FRMPD4: variants seen among roughly 807,000 people sequenced by gnomAD.
The protein encoded by FRMPD4 is FERM and PDZ domain containing 4.
FRMPD4 carries 22 observed loss-of-function variants against 94.1 expected under a neutral mutation model. That is an observed-to-expected ratio of 0.23 (90% CI 0.17 to 0.33). The LOEUF is 0.33. Ranked by LOEUF, FRMPD4 falls within the 10% of genes least tolerant of loss-of-function variation. FRMPD4 has a pLI of 1.00. For synonymous variants in FRMPD4, 631 were observed against 548.6 expected (o/e 1.15, Z -2.10); for missense variants, 1,111 against 1,339.9 (o/e 0.83, Z 2.67).
intron 1 of FRMPD4, among the ~76,000 whole-genome samples, chrX:12,422,678 G>T (rs1356120616): frequency 8.9e-6 from 1 of 112,211 alleles, no homozygotes; most frequent in African/African-American, 3.2e-5. Context: ...TTTGTAAGAA[G>T]TGAAACATAT....
At chrX:12,624,398 C>T (rs1385260899) in intron 4 of FRMPD4, among the ~76,000 whole-genome samples, 5 of 111,672 alleles carry the variant, frequency 4.5e-5, no homozygotes, top group African/African-American at 6.5e-5. Context: ...GAGAGTTAGA[C>T]GTGTAGAGTT....
chrX:12,350,282 T>G (rs748988057), intron 1 of FRMPD4, among the ~76,000 whole-genome samples: 15 of 112,280 alleles, frequency 1.3e-4, no homozygotes, highest in African/African-American at 4.8e-4. Context: ...TTCAAGTTAT[T>G]TTTTATACTA....
chrX:12,178,694 G>A (rs2056323177), intron 1 of FRMPD4, among the ~76,000 whole-genome samples: 1 of 112,006 alleles, frequency 8.9e-6, no homozygotes, highest in Non-Finnish European at 1.9e-5. Context: ...GGTGTATGTC[G>A]TGAGAGCTAG....
intron 1 of FRMPD4, among the ~76,000 whole-genome samples, chrX:12,273,586 A>C (rs2054386702): frequency 8.9e-6 from 1 of 112,546 alleles, no homozygotes. Context: ...GTGCCCTCTT[A>C]ATTTCTAGAA....
At chrX:12,256,305 A>G (rs919397127) in intron 1 of FRMPD4, among the ~76,000 whole-genome samples, 1 of 112,053 alleles carries the variant, frequency 8.9e-6, no homozygotes, top group Non-Finnish European at 1.9e-5. Context: ...AAACAGGAGA[A>G]GACAGTAGAT....
intron 3 of FRMPD4, among the ~76,000 whole-genome samples, chrX:12,077,468 C>G (rs1440064216): frequency 1.8e-5 from 2 of 111,742 alleles, no homozygotes; most frequent in African/African-American, 3.3e-5. Context: ...AGAAATCCAC[C>G]TTCTTGACAT....
intron 2 of FRMPD4, among the ~76,000 whole-genome samples, chrX:12,581,696 G>C (rs993199142): frequency 1.8e-5 from 2 of 111,371 alleles, no homozygotes; most frequent in African/African-American, 6.5e-5. Context: ...CTCTCCCTCG[G>C]CTCGTCCTCC....
chrX:12,412,630 A>T (rs1336724566), intron 1 of FRMPD4, among the ~76,000 whole-genome samples: 1 of 112,269 alleles, frequency 8.9e-6, no homozygotes, highest in African/African-American at 3.2e-5. Flanking sequence ...CTGTTGTGAG[A>T]TTCTTAGGGC....
At chrX:12,364,272 A>G (rs2056040918) in intron 1 of FRMPD4, among the ~76,000 whole-genome samples, 1 of 111,553 alleles carries the variant, frequency 9.0e-6, no homozygotes, top group South Asian at 3.8e-4. Context: ...GAGGGGGTCT[A>G]TTACACCATG....
intron 3 of FRMPD4, among the ~76,000 whole-genome samples, chrX:11,906,592 T>A (rs1370262227): frequency 9.0e-6 from 1 of 111,432 alleles, no homozygotes; most frequent in Non-Finnish European, 1.9e-5. Flanking sequence ...TTTTATTGTA[T>A]TTTTTTCACT....
intron 1 of FRMPD4, among the ~76,000 whole-genome samples, chrX:11,837,622 C>T (rs892365733): frequency 3.6e-5 from 4 of 111,556 alleles, no homozygotes; most frequent in Non-Finnish European, 7.6e-5. Flanking sequence ...TGTGTCCCCT[C>T]GTTCTGCATG....
intron 3 of FRMPD4, among the ~76,000 whole-genome samples, chrX:12,009,841 T>C (rs2054572638): frequency 8.9e-6 from 1 of 112,182 alleles, no homozygotes; most frequent in African/African-American, 3.2e-5. Context: ...CTTTGGTCGA[T>C]GTGGGAGAGC....
At chrX:12,468,616 G>A (rs1236618110) in intron 1 of FRMPD4, among the ~76,000 whole-genome samples, 1 of 111,689 alleles carries the variant, frequency 9.0e-6, no homozygotes, top group Non-Finnish European at 1.9e-5. Context: ...GAAACACCTT[G>A]TCTGTTGTGG....
chrX:12,193,912 T>C (rs758255480), intron 1 of FRMPD4, among the ~76,000 whole-genome samples: 1 of 106,791 alleles, frequency 9.4e-6, no homozygotes, highest in African/African-American at 3.4e-5. Context: ...AGGCAAGAGA[T>C]TGAAAAACTA....
intron 1 of FRMPD4, among the ~76,000 whole-genome samples, chrX:12,177,860 C>T (rs1288389495): frequency 8.9e-6 from 1 of 111,756 alleles, no homozygotes; most frequent in African/African-American, 3.3e-5. Context: ...AGAAGAGACA[C>T]CGAATAATTC....
chrX:12,286,397 G>A (rs2054600296), intron 1 of FRMPD4, among the ~76,000 whole-genome samples: 1 of 111,577 alleles, frequency 9.0e-6, no homozygotes, highest in African/African-American at 3.3e-5. Context: ...CCTTTATGAT[G>A]TGAATGGTTT....
intron 2 of FRMPD4, among the ~76,000 whole-genome samples, chrX:12,553,434 CTATATATATATATATATATATA>C (rs3066486): frequency 5.0e-5 from 2 of 39,685 alleles, no homozygotes; most frequent in Non-Finnish European, 9.0e-5. Context: ...ATCCATATGC[CTATATATATATATATATATATA>C]TATATATATA....
chrX:11,893,347 G>T (rs1399661679), intron 3 of FRMPD4, among the ~76,000 whole-genome samples: 3 of 111,885 alleles, frequency 2.7e-5, no homozygotes. Context: ...ATTCAGAATA[G>T]CACTGCTGTT....
chrX:12,409,630 G>T (rs1483667633), intron 1 of FRMPD4, among the ~76,000 whole-genome samples: 2 of 112,338 alleles, frequency 1.8e-5, no homozygotes, highest in Non-Finnish European at 3.8e-5. Context: ...ATGAGCAGAA[G>T]AAATGAAATT....
Sources: gnomAD v4.1 joint callset for allele counts (sites outside exome capture counted in the v4.1 genomes callset) on GRCh38, gnomAD v4.1.1 for gene constraint, MANE v1.5 for transcripts, NCBI Gene and HGNC (gene_info 2026-07-23, HGNC 2026-07-21) for gene names.